Variants in IFT57 observed in about 807,000 individuals in gnomAD.
The protein encoded by IFT57 is intraflagellar transport 57, also known as intraflagellar transport protein 57 homolog.
A neutral mutation model predicts 56.8 loss-of-function variants in IFT57; 59 were observed. The ratio of observed to expected loss-of-function variants is 1.04; its 90% CI spans 0.84 to 1.29. The LOEUF is 1.29. Ranked by LOEUF, IFT57 falls within the 50% of genes most tolerant of loss-of-function variation. The pLI is 0.00. For synonymous variants in IFT57, 209 were observed against 186.1 expected (o/e 1.12, Z -1.00); for missense variants, 470 against 522.1 (o/e 0.90, Z 0.97).
chr3:108,187,131 CA>C (rs889897419), intron 6 of IFT57, among the ~76,000 whole-genome samples: 2 of 150,844 alleles, frequency 1.3e-5, no homozygotes, highest in Admixed American at 6.6e-5. Flanking sequence ...TAATCAATGC[CA>C]AAAAAAATGA....
At chr3:108,190,494 ACTT>A (rs1395038122) in intron 6 of IFT57, among the ~76,000 whole-genome samples, 4 of 152,096 alleles carry the variant, frequency 2.6e-5, no homozygotes, top group Admixed American at 6.6e-5. Flanking sequence ...TCTCCTGCTC[ACTT>A]CTTCTCCTTC....
intron 8 of IFT57, among the ~76,000 whole-genome samples, chr3:108,166,606 A>G (rs1387286504): frequency 6.6e-6 from 1 of 152,086 alleles, no homozygotes; most frequent in Admixed American, 6.6e-5. Flanking sequence ...CCCCAACAGC[A>G]TATGCCTTCA....
intron 6 of IFT57, among the ~76,000 whole-genome samples, chr3:108,183,226 GGATT>G (rs1200412729): frequency 6.6e-6 from 1 of 151,934 alleles, no homozygotes; most frequent in Non-Finnish European, 1.5e-5. Context: ...AAGAATAATA[GGATT>G]GATGACTTTA....
In IFT57 at chr3:108,175,352, T is replaced by C. The variant is rs566326030; in HGVS notation, c.778-7488A>G. 1.9e-4 allele frequency among the ~76,000 whole-genome samples: 29 copies of C among 151,966 alleles called. No individual in the cohort carries two copies. In the South Asian group the frequency reaches 6.0e-3, roughly 31 times the overall value. ...AAATCCTCTCATATGAAATCACATGTATAATGCTATCACTTATTAGGTAAA... is the reference window on the plus strand; with the variant it reads ...AAATCCTCTCATATGAAATCACATGCATAATGCTATCACTTATTAGGTAAA... On this transcript the variant is annotated intron_variant, in intron 6 of 10. Coordinates refer to ENST00000264538, the MANE Select transcript of IFT57 (RefSeq NM_018010.4).
At chr3:108,169,179 C>G (rs2080079014) in intron 6 of IFT57, among the ~76,000 whole-genome samples, 1 of 151,960 alleles carries the variant, frequency 6.6e-6, no homozygotes, top group Non-Finnish European at 1.5e-5. Context: ...TTTTTGATCA[C>G]CACTCTAACT....
intron 6 of IFT57, among the ~76,000 whole-genome samples, chr3:108,189,334 C>T (rs17239988): frequency 0.08 from 12,158 of 152,198 alleles, 591 homozygotes; most frequent in Middle Eastern, 0.11. Context: ...CGCCCTATCC[C>T]GGGACTGCTC....
chr3:108,220,501 A>C (rs1175452928), intron 1 of IFT57, among the ~76,000 whole-genome samples: 1 of 152,248 alleles, frequency 6.6e-6, no homozygotes, highest in African/African-American at 2.4e-5. Context: ...GGAAGATAAC[A>C]GAAAGCTGGG....
chr3:108,187,505 G>A (rs1013676498), intron 6 of IFT57, among the ~76,000 whole-genome samples: 1 of 151,990 alleles, frequency 6.6e-6, no homozygotes, highest in African/African-American at 2.4e-5. Context: ...ATAAATGTGT[G>A]AGAGAAGACT....
At chr3:108,188,671 T>A (rs968163323) in intron 6 of IFT57, among the ~76,000 whole-genome samples, 2 of 152,216 alleles carry the variant, frequency 1.3e-5, no homozygotes, top group Non-Finnish European at 2.9e-5. Flanking sequence ...GGCATGAGAA[T>A]AAGGGTCTAA....
chr3:108,167,051 A>C, intron 7 of IFT57, 66 bp from the exon 8 acceptor site: 2 of 1,425,470 alleles, frequency 1.4e-6, no homozygotes, highest in South Asian at 2.6e-5. Context: ...AATATTAAAA[A>C]TGGGTTACAT....
chr3:108,200,597 C>T (rs1052821119), intron 5 of IFT57, among the ~76,000 whole-genome samples: 2 of 152,012 alleles, frequency 1.3e-5, no homozygotes, highest in African/African-American at 4.8e-5. Flanking sequence ...GGAACTATAA[C>T]CTACCTATTT....
At chr3:108,205,295 T>C (rs2080303117) in intron 5 of IFT57, among the ~76,000 whole-genome samples, 1 of 152,018 alleles carries the variant, frequency 6.6e-6, no homozygotes, top group South Asian at 2.1e-4. Flanking sequence ...AAGGTAAAGG[T>C]AATATTTTTA....
intron 6 of IFT57, among the ~76,000 whole-genome samples, chr3:108,178,707 C>T (rs2080136947): frequency 6.6e-6 from 1 of 151,730 alleles, no homozygotes; most frequent in African/African-American, 2.4e-5. Flanking sequence ...ACATACCTAC[C>T]ACAATGATTA....
intron 5 of IFT57, among the ~76,000 whole-genome samples, chr3:108,198,069 C>T (rs890847343): frequency 7.2e-5 from 11 of 152,006 alleles, no homozygotes; most frequent in African/African-American, 2.7e-4. Flanking sequence ...AATAATAACA[C>T]CATGAAACAG....
chr3:108,194,501 T>G (rs2080232983), intron 5 of IFT57, among the ~76,000 whole-genome samples: 2 of 151,920 alleles, frequency 1.3e-5, no homozygotes. Flanking sequence ...CTAAAATTTA[T>G]AAGGAACTAC....
At chr3:108,178,238 C>G (rs2080134335) in intron 6 of IFT57, among the ~76,000 whole-genome samples, 1 of 151,646 alleles carries the variant, frequency 6.6e-6, no homozygotes, top group East Asian at 1.9e-4. Context: ...CATATGAAAA[C>G]CAAGTAAGTC....
At chr3:108,181,361 T>C (rs2080150438) in intron 6 of IFT57, among the ~76,000 whole-genome samples, 1 of 152,090 alleles carries the variant, frequency 6.6e-6, no homozygotes, top group Non-Finnish European at 1.5e-5. Context: ...AGGATCCACA[T>C]GAAACAAACA....
At chr3:108,163,188 TGATTAC>T (rs1485642361) in intron 10 of IFT57, among the ~76,000 whole-genome samples, 2 of 152,102 alleles carry the variant, frequency 1.3e-5, no homozygotes, top group Non-Finnish European at 2.9e-5. Context: ...CAATGGAGGA[TGATTAC>T]CAGAGGATGA....
intron 10 of IFT57, among the ~76,000 whole-genome samples, chr3:108,162,882 C>T (rs1019055590): frequency 6.6e-6 from 1 of 151,978 alleles, no homozygotes. Flanking sequence ...AAACTTTCTT[C>T]CTTTTCTAGG....
Sources: gnomAD v4.1 joint callset for allele counts (sites outside exome capture counted in the v4.1 genomes callset) on GRCh38, gnomAD v4.1.1 for gene constraint, MANE v1.5 for transcripts, NCBI Gene and HGNC (gene_info 2026-07-23, HGNC 2026-07-21) for gene names.